The following SAMD3 variants were observed in gnomAD, a reference collection of about 807,000 sequenced individuals.
The protein encoded by SAMD3 is sterile alpha motif domain-containing protein 3.
SAMD3 carries 63 observed loss-of-function variants against 58.5 expected under a neutral mutation model. The observed-to-expected ratio is 1.08, with a 90% CI of 0.88 to 1.33. The LOEUF (loss-of-function observed/expected upper bound fraction) is 1.33, where lower values mean the gene tolerates loss of function less well. SAMD3 is among the 40% of genes most tolerant of loss of function. The probability of loss-of-function intolerance (pLI) is 0.00; values close to 1 mark genes in which losing one functional copy is unlikely to be tolerated. For missense variants in SAMD3, 604 were observed against 608.4 expected (o/e 0.99, Z 0.08); for synonymous variants, 220 against 210.3 (o/e 1.05, Z -0.40).
At chr6:130,346,925 T>C (rs1313879321) in intron 1 of SAMD3, among the ~76,000 whole-genome samples, 1 of 152,272 alleles carries the variant, frequency 6.6e-6, no homozygotes, top group East Asian at 1.9e-4. Context: ...TGTTCACCAA[T>C]ATCCGCTGTT....
chr6:130,180,576 C>T (rs1461506360), intron 7 of SAMD3, among the ~76,000 whole-genome samples: 1 of 152,182 alleles, frequency 6.6e-6, no homozygotes, highest in Non-Finnish European at 1.5e-5. Flanking sequence ...ATCAGTAACT[C>T]TCAGCCAGTG....
chr6:130,212,394 C>T (rs1379225790), intron 4 of SAMD3, among the ~76,000 whole-genome samples: 1 of 152,194 alleles, frequency 6.6e-6, no homozygotes, highest in Non-Finnish European at 1.5e-5. Flanking sequence ...AAAGTCCCCA[C>T]TCATAAATCC....
intron 8 of SAMD3, among the ~76,000 whole-genome samples, chr6:130,167,750 G>A (rs935536461): frequency 6.6e-6 from 1 of 152,212 alleles, no homozygotes; most frequent in African/African-American, 2.4e-5. Flanking sequence ...CACAGCTGCT[G>A]CATTGACTGC....
chr6:130,225,357 G>A (rs1796358745), upstream of SAMD3, among the ~76,000 whole-genome samples: 1 of 152,178 alleles, frequency 6.6e-6, no homozygotes, highest in African/African-American at 2.4e-5. Context: ...TGTTAAATAT[G>A]TATGGGAAAA....
chr6:130,194,654 A>G (rs148257447), intron 5 of SAMD3, among the ~76,000 whole-genome samples: 13,002 of 152,238 alleles, frequency 0.085, 753 homozygotes, highest in Non-Finnish European at 0.14. Context: ...AGGAATGCTC[A>G]CAGCCCAGAA....
intron 1 of SAMD3, among the ~76,000 whole-genome samples, chr6:130,315,800 G>A (rs532882191): frequency 4.6e-5 from 7 of 151,960 alleles, no homozygotes; most frequent in Admixed American, 2.0e-4. Context: ...AATACATCAC[G>A]TGAATGGTAT....
At chr6:130,209,429 C>A in intron 5 of SAMD3, 66 bp downstream of exon 5, 1 of 824,450 alleles carries the variant, frequency 1.2e-6, no homozygotes, top group Non-Finnish European at 1.9e-6. Flanking sequence ...CATATGAAAC[C>A]TTATCAAAAA....
At chr6:130,344,933 C>A (rs921537298) in intron 1 of SAMD3, among the ~76,000 whole-genome samples, 1 of 150,744 alleles carries the variant, frequency 6.6e-6, no homozygotes, top group African/African-American at 2.4e-5. Context: ...CCTATGCCCA[C>A]CCCCCTCCAT....
intron 7 of SAMD3, chr6:130,176,268 G>T (rs954799382): frequency 4.3e-6 from 2 of 464,920 alleles, no homozygotes; most frequent in Non-Finnish European, 7.8e-6. Flanking sequence ...ATGTCATATG[G>T]TTATTGAGTA....
chr6:130,361,083 G>A (rs1324446640), intron 1 of SAMD3, among the ~76,000 whole-genome samples: 1 of 152,008 alleles, frequency 6.6e-6, no homozygotes, highest in Non-Finnish European at 1.5e-5. Context: ...AATTATCACA[G>A]GGTCCTGAGG....
chr6:130,310,313 T>G (rs1776104348), intron 2 of SAMD3, among the ~76,000 whole-genome samples: 1 of 152,248 alleles, frequency 6.6e-6, no homozygotes, highest in African/African-American at 2.4e-5. Flanking sequence ...AGATTTCATT[T>G]CATATATGGT....
At chr6:130,301,811 T>C (rs1201941645) in intron 2 of SAMD3, among the ~76,000 whole-genome samples, 2 of 152,150 alleles carry the variant, frequency 1.3e-5, no homozygotes, top group African/African-American at 4.8e-5. Context: ...TACAACCAAC[T>C]GGTCTTTGAC....
At chr6:130,345,096 G>A (rs1477114558) in intron 1 of SAMD3, among the ~76,000 whole-genome samples, 2 of 152,222 alleles carry the variant, frequency 1.3e-5, no homozygotes, top group Non-Finnish European at 2.9e-5. Context: ...CAATAAGTAA[G>A]TGGCTCAATA....
intron 7 of SAMD3, chr6:130,183,328 C>T (rs1168914692): frequency 4.7e-6 from 2 of 422,572 alleles, no homozygotes; most frequent in Admixed American, 5.4e-5. Context: ...GAGAGCGAGA[C>T]TCCGTCTCAA....
At chr6:130,312,728 T>C (rs1319913486) in intron 2 of SAMD3, among the ~76,000 whole-genome samples, 2 of 152,236 alleles carry the variant, frequency 1.3e-5, no homozygotes, top group Non-Finnish European at 2.9e-5. Flanking sequence ...CATTGCCTTG[T>C]TTTGTTGAAA....
chr6:130,287,838 G>A (rs533526856), intron 2 of SAMD3, among the ~76,000 whole-genome samples: 16 of 152,076 alleles, frequency 1.1e-4, no homozygotes, highest in South Asian at 2.1e-4. Context: ...CCAGCTCCTC[G>A]GGAGGTTGAG....
intron 1 of SAMD3, among the ~76,000 whole-genome samples, chr6:130,219,972 G>A (rs779635989): frequency 6.6e-6 from 1 of 152,172 alleles, no homozygotes; most frequent in Non-Finnish European, 1.5e-5. Flanking sequence ...CACAGTCATA[G>A]TAACTTAAAT....
chr6:130,235,386 A>G (rs963148444), intron 2 of SAMD3, among the ~76,000 whole-genome samples: 2 of 152,200 alleles, frequency 1.3e-5, no homozygotes, highest in Admixed American at 6.5e-5. Flanking sequence ...TTTATTCCCT[A>G]CTGTGCTTGA....
upstream of SAMD3, chr6:130,365,653 G>A (rs1249442251): frequency 9.1e-6 from 9 of 985,314 alleles, no homozygotes; most frequent in African/African-American, 3.5e-5. Flanking sequence ...AGCTAGAGGC[G>A]GGCCCCACGG....
Sources: gnomAD v4.1 joint callset for allele counts (sites outside exome capture counted in the v4.1 genomes callset) on GRCh38, gnomAD v4.1.1 for gene constraint, MANE v1.5 for transcripts, NCBI Gene and HGNC (gene_info 2026-07-23, HGNC 2026-07-21) for gene names.